Variants in UGT1A9 observed in about 807,000 individuals in gnomAD.
UGT1A9 encodes UDP glucuronosyltransferase family 1 member A9, also known as UDP-glucuronosyltransferase 1A9.
UGT1A9 carries 35 observed loss-of-function variants against 45.0 expected under a neutral mutation model. The ratio of observed to expected loss-of-function variants is 0.78; its 90% CI spans 0.59 to 1.03. The LOEUF is 1.03. Among genes scored for constraint, UGT1A9 ranks in the 50% least tolerant of loss-of-function variants. UGT1A9 has a pLI of 0.00. For synonymous variants in UGT1A9, 278 were observed against 250.6 expected (o/e 1.11, Z -1.03); for missense variants, 687 against 666.6 (o/e 1.03, Z -0.34).
chr2:233,729,112 G>C, intron 1 of UGT1A9: 1 of 1,612,932 alleles, frequency 6.2e-7, no homozygotes, highest in Non-Finnish European at 8.5e-7. Flanking sequence ...TCAGCTGTCC[G>C]TGTCTTCTGC....
At chr2:233,736,685 C>G (rs1295548714) in intron 1 of UGT1A9, among the ~76,000 whole-genome samples, 6 of 152,124 alleles carry the variant, frequency 3.9e-5, no homozygotes, top group African/African-American at 1.4e-4. Flanking sequence ...TGTTGGTGAC[C>G]TACAGATGGG....
At chr2:233,707,276 C>T (rs1319518322) in intron 1 of UGT1A9, among the ~76,000 whole-genome samples, 1 of 152,048 alleles carries the variant, frequency 6.6e-6, no homozygotes, top group African/African-American at 2.4e-5. Flanking sequence ...ATTTTAAGTT[C>T]CAGGGCACAC....
At chr2:233,755,104 A>G in intron 1 of UGT1A9, 1 of 1,334,996 alleles carries the variant, frequency 7.5e-7, no homozygotes, top group African/African-American at 1.5e-5. Flanking sequence ...GCGTCCGACA[A>G]CACCTCGTAG....
chr2:233,715,158 T>G (rs1299357923), intron 1 of UGT1A9, among the ~76,000 whole-genome samples: 2 of 152,186 alleles, frequency 1.3e-5, no homozygotes, highest in Admixed American at 6.5e-5. Context: ...AGTGCTGGAA[T>G]TACAGGCGCG....
intron 1 of UGT1A9, chr2:233,681,987 T>A: frequency 6.2e-7 from 1 of 1,614,188 alleles, no homozygotes; most frequent in Non-Finnish European, 8.5e-7. Context: ...GTGTGTCTAC[T>A]GCTGACCTGT....
At chr2:233,707,542 T>A (rs2075970196) in intron 1 of UGT1A9, among the ~76,000 whole-genome samples, 1 of 151,954 alleles carries the variant, frequency 6.6e-6, no homozygotes, top group Admixed American at 6.6e-5. Flanking sequence ...TCTTGCCTTT[T>A]TTTTTTTTTT....
At chr2:233,722,896 G>A (rs1455405356) in intron 1 of UGT1A9, among the ~76,000 whole-genome samples, 3 of 126,364 alleles carry the variant, frequency 2.4e-5, no homozygotes, top group Admixed American at 8.2e-5. Flanking sequence ...TTAAGTGGAA[G>A]TGGATCATCA....
intron 1 of UGT1A9, chr2:233,718,717 C>T (rs1286763118): frequency 2.5e-5 from 40 of 1,608,524 alleles, no homozygotes; most frequent in Non-Finnish European, 3.2e-5. Context: ...CAATTACATG[C>T]TGATTTGCTA....
At chr2:233,685,871 C>A (rs1042918991) in intron 1 of UGT1A9, among the ~76,000 whole-genome samples, 9 of 152,122 alleles carry the variant, frequency 5.9e-5, no homozygotes, top group African/African-American at 1.7e-4. Flanking sequence ...ATACCTAAGA[C>A]AATCAATAAT....
rs141296723 is a variant in UGT1A9, at chr2:233,682,649, C to T, written c.855+9860C>T. The T allele has an allele frequency of 3.8e-5, 62 of 1,613,882 alleles. No individual in the cohort carries two copies. In the African/African-American group the frequency reaches 7.2e-4, roughly 19 times the overall value. On this transcript the variant is annotated intron_variant, in intron 1 of 4. Coordinates refer to ENST00000354728, the MANE Select transcript of UGT1A9 (RefSeq NM_021027.3). ...AATAGCCTCTGAAATTCTCCAAACCCCTGTCACGGCATATGATCTCTACAG... is the reference window on the plus strand; with the variant it reads ...AATAGCCTCTGAAATTCTCCAAACCTCTGTCACGGCATATGATCTCTACAG...
rs186005376 is a variant in UGT1A9 at position 233,690,812 on chromosome 2, C to T, written c.855+18023C>T. On this transcript the variant is annotated intron_variant, in intron 1 of 4. Coordinates refer to ENST00000354728, the MANE Select transcript of UGT1A9 (RefSeq NM_021027.3). Reference sequence around the variant, plus strand: ...ACACACACACACACCATTCTTAGTACAGTCAAAGCTCACAGGAGAAAGAAA... The same window carrying T: ...ACACACACACACACCATTCTTAGTATAGTCAAAGCTCACAGGAGAAAGAAA... 17 of 1,087,624 alleles carry T rather than the reference C, an allele frequency of 1.6e-5. No homozygotes were observed. The East Asian group carries it at 7.8e-4, about 50-fold the overall frequency. 67.4% of individuals were successfully genotyped at this position (1,087,624 alleles called of 1,614,324 possible). A position where few individuals can be genotyped will look rare whatever the true frequency, so the allele number is the denominator to read the frequency against.
intron 1 of UGT1A9, among the ~76,000 whole-genome samples, chr2:233,681,530 CAAAAAAAAAAA>C (rs747693860): frequency 2.6e-5 from 2 of 77,710 alleles, no homozygotes; most frequent in Non-Finnish European, 5.1e-5. Context: ...GACTCCATCT[CAAAAAAAAAAA>C]AAAAAAAAAA....
chr2:233,679,239 AAG>A (rs2074446105), intron 1 of UGT1A9, among the ~76,000 whole-genome samples: 1 of 152,220 alleles, frequency 6.6e-6, no homozygotes, highest in South Asian at 2.1e-4. Flanking sequence ...CCAATATCGA[AAG>A]AACTTTAAAA....
Position 233,706,374 on chromosome 2 carries a change from CAAA to C in UGT1A9, c.855+33587_855+33589del, listed in dbSNP as rs1263294962. ...CATTCTTCCAATTTAGGCCATTGTA[CAAA>C]AGCAGAGGCCAAGTACATTTACCAC... On this transcript the variant is annotated intron_variant, in intron 1 of 4. Transcript: ENST00000354728. Among the ~76,000 whole-genome samples the C allele has an allele frequency of 2.6e-5, 4 of 152,296 alleles. No individual in the cohort carries two copies. In the East Asian group the frequency reaches 7.7e-4, roughly 29 times the overall value.
At chr2:233,686,815 C>T (rs549332293) in intron 1 of UGT1A9, among the ~76,000 whole-genome samples, 8 of 152,260 alleles carry the variant, frequency 5.3e-5, no homozygotes, top group Non-Finnish European at 7.4e-5. Flanking sequence ...CTTTTCCCTA[C>T]CTATTTTATT....
At chr2:233,707,347 A>G (rs934589203) in intron 1 of UGT1A9, among the ~76,000 whole-genome samples, 7 of 152,128 alleles carry the variant, frequency 4.6e-5, no homozygotes, top group African/African-American at 1.7e-4. Context: ...TGCTGCCCAG[A>G]TCAACCCATC....
At chr2:233,718,400 G>C (rs565525748) in intron 1 of UGT1A9, among the ~76,000 whole-genome samples, 7 of 152,362 alleles carry the variant, frequency 4.6e-5, no homozygotes, top group Admixed American at 3.9e-4. Flanking sequence ...TTAGCAAATA[G>C]CGTCACATTC....
intron 1 of UGT1A9, among the ~76,000 whole-genome samples, chr2:233,718,481 T>C (rs1310649637): frequency 1.3e-5 from 2 of 152,114 alleles, no homozygotes; most frequent in Non-Finnish European, 2.9e-5. Context: ...CTGATAAATA[T>C]GGTTAACAGA....
At chr2:233,764,825 G>A (rs1698655202) in intron 1 of UGT1A9, among the ~76,000 whole-genome samples, 1 of 152,070 alleles carries the variant, frequency 6.6e-6, no homozygotes, top group African/African-American at 2.4e-5. Flanking sequence ...ATGCAGCATG[G>A]TGGTGGGGAG....
Sources: gnomAD v4.1 joint callset for allele counts (sites outside exome capture counted in the v4.1 genomes callset) on GRCh38, gnomAD v4.1.1 for gene constraint, MANE v1.5 for transcripts, NCBI Gene and HGNC (gene_info 2026-07-23, HGNC 2026-07-21) for gene names.